PPFIA4: variants seen among roughly 807,000 people sequenced by gnomAD.
PPFIA4 encodes the protein liprin-alpha-4.
In PPFIA4, 98 loss-of-function variants were observed where a neutral mutation model predicts 145.7. The ratio of observed to expected loss-of-function variants is 0.67; its 90% CI spans 0.57 to 0.80. The LOEUF (loss-of-function observed/expected upper bound fraction) is 0.80. Among genes scored for constraint, PPFIA4 ranks in the 30% least tolerant of loss-of-function variants. The probability of loss-of-function intolerance (pLI) is 0.00; values close to 1 mark genes in which losing one functional copy is unlikely to be tolerated. For synonymous variants in PPFIA4, 628 were observed against 649.6 expected (o/e 0.97, Z 0.51); for missense variants, 1,457 against 1,632.7 (o/e 0.89, Z 1.85).
In PPFIA4 at chr1:203,038,843, C is replaced by A; in HGVS notation, c.-166C>A. The A allele has an allele frequency of 3.5e-6, 2 of 566,344 alleles. No individual in the cohort carries two copies. The highest frequency in any genetic ancestry group is 3.3e-5 in the Admixed American group (1 of 30,200). The allele number at this position is 566,344 out of a possible 1,614,324, so 35.1% of individuals were successfully genotyped here. On this transcript the variant is annotated 5_prime_UTR_variant, in exon 2 of 30. Coordinates refer to ENST00000295706, the MANE Select transcript of PPFIA4 (RefSeq NM_001304331.2). Reference sequence around the variant, plus strand: ...CAGGGGCACTCCAGACCCCAGGCCCCTTTCAGAGCAAAAGCAACTGATGCT... The same window carrying A: ...CAGGGGCACTCCAGACCCCAGGCCCATTTCAGAGCAAAAGCAACTGATGCT...
intron 24 of PPFIA4, 100 bp from the exon 25 acceptor site, chr1:203,063,728 G>A: frequency 8.3e-7 from 1 of 1,205,390 alleles, no homozygotes; most frequent in Non-Finnish European, 1.2e-6. Context: ...CCTCATGGGT[G>A]GAGGATGGAT....
chr1:203,036,434 AC>A (rs757043378), intron 1 of PPFIA4, among the ~76,000 whole-genome samples: 1 of 151,842 alleles, frequency 6.6e-6, no homozygotes, highest in Non-Finnish European at 1.5e-5. Context: ...TTCCTGGGAT[AC>A]CTAAGCTCCT....
rs765136448 is a variant in PPFIA4 at position 203,049,637 on chromosome 1, GCC to G, written c.1420-35_1420-34del. On this transcript the variant is annotated intron_variant, in intron 12 of 29. Coordinates refer to ENST00000295706, the MANE Select transcript of PPFIA4 (RefSeq NM_001304331.2). The stretch of plus-strand genomic sequence containing the variant: ...CACCCTCCCTCTCTGCCCCTCCCTG[GCC>G]CCCACTCCCGCCCCCACCCCGGGTC... The G allele has an allele frequency of 3.6e-6, 5 of 1,405,858 alleles. No homozygotes were observed. The African/African-American group carries it at 8.1e-5, about 23-fold the overall frequency. The allele number at this position is 1,405,858 out of a possible 1,614,324, so 87.1% of individuals were successfully genotyped here. A position where few individuals can be genotyped will look rare whatever the true frequency, so the allele number is the denominator to read the frequency against.
chr1:203,049,412 G>A (rs1204687234), intron 12 of PPFIA4, among the ~76,000 whole-genome samples: 1 of 152,202 alleles, frequency 6.6e-6, no homozygotes, highest in Non-Finnish European at 1.5e-5. Flanking sequence ...GGGGTCGGCA[G>A]GCCTAGGCTA....
intron 15 of PPFIA4, among the ~76,000 whole-genome samples, chr1:203,054,912 A>G (rs776954274): frequency 1.3e-5 from 2 of 152,172 alleles, no homozygotes; most frequent in Non-Finnish European, 2.9e-5. Flanking sequence ...TTACTGGAGC[A>G]TGTGTGTGTG....
chr1:203,047,247 T>G (rs545983122), intron 9 of PPFIA4, among the ~76,000 whole-genome samples: 1 of 152,240 alleles, frequency 6.6e-6, no homozygotes, highest in East Asian at 1.9e-4. Context: ...TGCCACTGAC[T>G]GTCTCTGCGA....
intron 13 of PPFIA4, among the ~76,000 whole-genome samples, chr1:203,050,175 C>T (rs1014919600): frequency 2.6e-5 from 4 of 152,140 alleles, no homozygotes; most frequent in Admixed American, 6.5e-5. Context: ...GTTCAGGCAG[C>T]GGGCAGAAAG....
chr1:203,070,765 G>A (rs1261730341), intron 27 of PPFIA4, among the ~76,000 whole-genome samples: 2 of 152,032 alleles, frequency 1.3e-5, no homozygotes, highest in East Asian at 3.9e-4. Context: ...CTAATTTTAA[G>A]TTTTTGATGT....
Position 203,068,763 on chromosome 1 carries a change from C to G in PPFIA4, c.3324+135C>G. 1 of 897,408 alleles carries G rather than the reference C, an allele frequency of 1.1e-6. No individual in the cohort carries two copies. The highest frequency in any genetic ancestry group is 1.6e-6 in the Non-Finnish European group (1 of 636,742). The allele number at this position is 897,408 out of a possible 1,614,324, so 55.6% of individuals were successfully genotyped here. ...TTCTAGGGCCTATGCCAGAGGGGAT[C>G]GCAATGTCCTCAATTCTCCAAGTGA... On this transcript the variant is annotated intron_variant, in intron 27 of 29. Coordinates refer to ENST00000295706, the MANE Select transcript of PPFIA4 (RefSeq NM_001304331.2). The surrounding 1 kb of genome is among the most constrained non-coding windows in gnomAD (Gnocchi z 4.7).
intron 1 of PPFIA4, among the ~76,000 whole-genome samples, chr1:203,032,430 T>TTTTTGTTGTTGTTG (rs57892403): frequency 7.2e-6 from 1 of 139,382 alleles, no homozygotes; most frequent in Non-Finnish European, 1.5e-5. Context: ...TCCCCGCTTT[T>TTTTTGTTGTTGTTG]TTGTTGTTGT....
In PPFIA4 at chr1:203,049,709, C is replaced by T. The variant is rs1348027848; in HGVS notation, c.1453C>T (p.Gln485Ter). ...RLSEEIEKLR[Q>*]EVDQLKGRGG... ...GTCTGAAGAGATTGAGAAGCTGCGCCAAGAGGTGGACCAGCTGAAGGGCCG... is the reference window on the plus strand; with the variant it reads ...GTCTGAAGAGATTGAGAAGCTGCGCTAAGAGGTGGACCAGCTGAAGGGCCG... The change falls in exon 13 of 30, where the codon CAA becomes TAA. Residue 485 changes from glutamine (Q) to a stop codon, truncating the protein, a stop_gained. Coordinates refer to ENST00000295706, the MANE Select transcript of PPFIA4 (RefSeq NM_001304331.2). LOFTEE classifies it high-confidence loss of function. 2 of 1,587,758 alleles carry T rather than the reference C, an allele frequency of 1.3e-6. No homozygotes were observed. The highest frequency in any genetic ancestry group is 8.6e-7 in the Non-Finnish European group (1 of 1,166,486).
rs768106644 is a variant in PPFIA4 at position 203,046,336 on chromosome 1, C to A, written c.1094C>A (p.Pro365Gln). 6.3e-7 allele frequency: 1 copy of A among 1,593,566 alleles called. No individual in the cohort carries two copies. The highest frequency in any genetic ancestry group is 1.3e-5 in the African/African-American group (1 of 74,640). Residue 365 changes from proline to glutamine, a missense_variant, in exon 9 of 30, where the codon CCA (proline) becomes CAA (glutamine). Around this residue, in one of 3 missense-constraint regions of PPFIA4, gnomAD observed 848 missense variants for 1,046.7 expected, o/e 0.81. Transcript: ENST00000295706. ...ACGATGCGCAAGGCAGAGACGCTGC[C>A]AGAGGTGGAGGCTGAGCTGGCCCAG... ...QQTMRKAETLPEVEAELAQRI... is the reference protein window; with the variant it reads ...QQTMRKAETLQEVEAELAQRI...
At chr1:203,069,089 C>T (rs1661948471) in intron 27 of PPFIA4, among the ~76,000 whole-genome samples, 4 of 152,204 alleles carry the variant, frequency 2.6e-5, no homozygotes, top group African/African-American at 9.7e-5. Context: ...CTTAAAAAAG[C>T]TAAATATACC....
chr1:203,067,034 G>A (rs778719625), intron 25 of PPFIA4, among the ~76,000 whole-genome samples: 4 of 152,208 alleles, frequency 2.6e-5, no homozygotes, highest in African/African-American at 7.2e-5. Flanking sequence ...GATGAACAAC[G>A]TGACTAGTGA....
chr1:203,070,046 T>C (rs1574183), intron 27 of PPFIA4, among the ~76,000 whole-genome samples: 90,067 of 151,962 alleles, frequency 0.59, 26,876 homozygotes, highest in South Asian at 0.64. Flanking sequence ...TTCCCAATAC[T>C]GGCACAGACT....
chr1:203,037,992 A>G, intron 1 of PPFIA4, among the ~76,000 whole-genome samples: 1 of 152,134 alleles, frequency 6.6e-6, no homozygotes. Flanking sequence ...TCCTCCCTGA[A>G]TTATGGGCAA....
At chr1:203,054,209 T>G (rs1571706341) in intron 15 of PPFIA4, 1 of 671,352 alleles carries the variant, frequency 1.5e-6, no homozygotes, top group East Asian at 2.7e-5. Context: ...GGAGGATGCA[T>G]GCTGTGTTCC....
At chr1:203,035,784 C>G in intron 1 of PPFIA4, 1 of 400,428 alleles carries the variant, frequency 2.5e-6, no homozygotes, top group Admixed American at 2.7e-5. Flanking sequence ...GGGCTCCCTT[C>G]TGCTCACTGT....
chr1:203,032,332 A>G (rs995108158), intron 1 of PPFIA4, among the ~76,000 whole-genome samples: 3 of 152,062 alleles, frequency 2.0e-5, no homozygotes, highest in Non-Finnish European at 2.9e-5. Flanking sequence ...GTCTTAAGTT[A>G]AAAAGGTAGG....
Sources: allele counts gnomAD v4.1 joint callset (sites outside exome capture counted in the v4.1 genomes callset), GRCh38; gene constraint gnomAD v4.1.1; regional missense constraint gnomAD v4.1.1; non-coding constraint Gnocchi (gnomAD v3.1); transcripts MANE v1.5; gene names NCBI Gene and HGNC (gene_info 2026-07-23, HGNC 2026-07-21).